Variants in SPACDR observed in about 807,000 individuals in gnomAD.
SPACDR encodes the protein uncharacterized protein C7orf61.
the SPACDR span, among the ~76,000 whole-genome samples, chr7:100,458,963 C>A: frequency 6.6e-6 from 1 of 151,854 alleles, no homozygotes; most frequent in Non-Finnish European, 1.5e-5. Flanking sequence ...AGATTCACAC[C>A]CACGTTACTG....
At chr7:100,462,041 C>A in the SPACDR span, among the ~76,000 whole-genome samples, 3 of 151,242 alleles carry the variant, frequency 2.0e-5, no homozygotes, top group African/African-American at 7.3e-5. Flanking sequence ...GATAACATGC[C>A]TCTCTCCTGG....
the SPACDR span, chr7:100,456,861 C>T: frequency 2.4e-5 from 39 of 1,613,326 alleles, no homozygotes; most frequent in Admixed American, 3.2e-4. Flanking sequence ...GCGGTACAGC[C>T]GGCGCAGGTG....
chr7:100,457,618 C>CTTTTT, the SPACDR span, among the ~76,000 whole-genome samples: 7 of 93,514 alleles, frequency 7.5e-5, no homozygotes, highest in African/African-American at 2.2e-4. Flanking sequence ...CATGCCTGGC[C>CTTTTT]TTTTTTTTTT....
chr7:100,461,863 G>A, the SPACDR span, among the ~76,000 whole-genome samples: 1 of 151,306 alleles, frequency 6.6e-6, no homozygotes, highest in African/African-American at 2.4e-5. Context: ...CGTGGTGGCG[G>A]GTGCCTGTAG....
At chr7:100,457,797 A>ATGTGTGTGTGTG in the SPACDR span, among the ~76,000 whole-genome samples, 1 of 22,040 alleles carries the variant, frequency 4.5e-5, no homozygotes, top group Non-Finnish European at 9.2e-5. Flanking sequence ...ACTTTTATAT[A>ATGTGTGTGTGTG]TATATATGTG....
the SPACDR span, among the ~76,000 whole-genome samples, chr7:100,458,424 G>A: frequency 1.3e-5 from 2 of 151,902 alleles, no homozygotes; most frequent in Non-Finnish European, 2.9e-5. Context: ...AACAAAAAAA[G>A]ATACAGAACA....
At chr7:100,462,508 C>G in the SPACDR span, among the ~76,000 whole-genome samples, 1 of 144,854 alleles carries the variant, frequency 6.9e-6, no homozygotes, top group Non-Finnish European at 1.5e-5. Flanking sequence ...CCACCGTGCC[C>G]GGCCAGAAAT....
At chr7:100,456,827 G>A in the SPACDR span, 4 of 1,613,114 alleles carry the variant, frequency 2.5e-6, no homozygotes, top group East Asian at 8.9e-5. Flanking sequence ...ATCGGACGTG[G>A]TGCCGTCTGT....
the SPACDR span, chr7:100,464,096 G>GGGGGGGGGGGGGGGT: frequency 6.9e-7 from 1 of 1,448,612 alleles, no homozygotes; most frequent in Non-Finnish European, 9.2e-7. Context: ...GGCGGGTGGG[G>GGGGGGGGGGGGGGGT]GATGGGGTGG....
the SPACDR span, among the ~76,000 whole-genome samples, chr7:100,461,498 G>C: frequency 6.6e-6 from 1 of 151,818 alleles, no homozygotes; most frequent in Non-Finnish European, 1.5e-5. Context: ...GGCTGGTCTC[G>C]AACTCCTGAG....
At chr7:100,463,527 C>T in the SPACDR span, 30 of 1,613,878 alleles carry the variant, frequency 1.9e-5, no homozygotes, top group African/African-American at 2.0e-4. Context: ...TCTGCCAGCT[C>T]GGGGGACTCA....
At chr7:100,456,919 C>G in the SPACDR span, 1 of 1,613,736 alleles carries the variant, frequency 6.2e-7, no homozygotes, top group South Asian at 1.1e-5. Context: ...AGCAACTCAG[C>G]CTCCGGAGTC....
chr7:100,456,782 G>T, the SPACDR span: 1 of 1,612,222 alleles, frequency 6.2e-7, no homozygotes, highest in Non-Finnish European at 8.5e-7. Flanking sequence ...CCAGTTTCAG[G>T]GACTGAGCCG....
At chr7:100,462,365 C>T in the SPACDR span, among the ~76,000 whole-genome samples, 1 of 151,252 alleles carries the variant, frequency 6.6e-6, no homozygotes, top group Non-Finnish European at 1.5e-5. Context: ...AGCCACCTGC[C>T]ACCTTGCCTG....
the SPACDR span, among the ~76,000 whole-genome samples, chr7:100,458,195 G>GGT: frequency 0.13 from 17,744 of 136,764 alleles, 1,290 homozygotes; most frequent in Non-Finnish European, 0.18. Context: ...TGTACTCACT[G>GGT]GTGTGTGTGT....
chr7:100,457,032 G>A, the SPACDR span: 1 of 1,426,682 alleles, frequency 7.0e-7, no homozygotes, highest in Non-Finnish European at 9.6e-7. Flanking sequence ...CTGGGTCTAG[G>A]GAGAAACTGC....
chr7:100,461,769 C>G, the SPACDR span, among the ~76,000 whole-genome samples: 2 of 151,988 alleles, frequency 1.3e-5, no homozygotes, highest in African/African-American at 4.8e-5. Flanking sequence ...GCGGACAGAT[C>G]ACGAGGTCAG....
chr7:100,464,076 C>CG, the SPACDR span: 3 of 74,278 alleles, frequency 4.0e-5, no homozygotes, highest in Non-Finnish European at 4.2e-5. Context: ...GCATTTGGTA[C>CG]GGTGGGGGTG....
the SPACDR span, among the ~76,000 whole-genome samples, chr7:100,458,543 C>T: frequency 0.18 from 26,685 of 152,060 alleles, 2,466 homozygotes; most frequent in Non-Finnish European, 0.2. Context: ...TTTGCCATTT[C>T]TAGACTTTTG....
Sources: allele counts gnomAD v4.1 joint callset (sites outside exome capture counted in the v4.1 genomes callset), GRCh38; gene constraint gnomAD v4.1.1; transcripts MANE v1.5; gene names NCBI Gene and HGNC (gene_info 2026-07-23, HGNC 2026-07-21).